CACNA2D1: variants seen among roughly 807,000 people sequenced by gnomAD.
CACNA2D1 encodes the protein voltage-dependent calcium channel subunit alpha-2/delta-1.
CACNA2D1 carries 53 observed loss-of-function variants against 171.5 expected under a neutral mutation model. The observed-to-expected ratio is 0.31, with a 90% CI of 0.25 to 0.39. The LOEUF is 0.39. CACNA2D1 is among the 10% of genes least tolerant of loss of function. CACNA2D1 has a pLI of 1.00. For missense variants in CACNA2D1, 903 were observed against 1,299.8 expected (o/e 0.69, Z 4.69); for synonymous variants, 442 against 443.1 (o/e 1.00, Z 0.03).
chr7:82,159,584 C>T (rs973759026), intron 4 of CACNA2D1, among the ~76,000 whole-genome samples: 1 of 151,564 alleles, frequency 6.6e-6, no homozygotes, highest in Admixed American at 6.6e-5. Context: ...AGATAAATTA[C>T]AGATCTGTTC....
chr7:81,975,740 T>A (rs1562806185), intron 24 of CACNA2D1, among the ~76,000 whole-genome samples: 1 of 152,140 alleles, frequency 6.6e-6, no homozygotes. Flanking sequence ...TAATGACACA[T>A]TATACAATAT....
chr7:82,355,391 T>C (rs1377907673), intron 1 of CACNA2D1, among the ~76,000 whole-genome samples: 1 of 152,158 alleles, frequency 6.6e-6, no homozygotes. Context: ...AGAACACACT[T>C]AACACTGCTT....
chr7:82,126,082 A>C (rs1790303788), intron 5 of CACNA2D1, among the ~76,000 whole-genome samples: 1 of 152,210 alleles, frequency 6.6e-6, no homozygotes, highest in Admixed American at 6.5e-5. Context: ...GTGTTAATCT[A>C]ATCTTTATAA....
At chr7:82,132,648 A>G (rs1287826367) in intron 5 of CACNA2D1, among the ~76,000 whole-genome samples, 1 of 152,210 alleles carries the variant, frequency 6.6e-6, no homozygotes, top group African/African-American at 2.4e-5. Context: ...AGGAAAGCAG[A>G]GAATGGGGAG....
At chr7:82,060,342 T>G in intron 10 of CACNA2D1, 86 bp downstream of exon 10, 1 of 867,978 alleles carries the variant, frequency 1.2e-6, no homozygotes, top group South Asian at 1.4e-5. Context: ...TCAGCCTCTA[T>G]AAGATAAAAG....
At chr7:82,022,557 CAG>C (rs1037038593) in intron 12 of CACNA2D1, among the ~76,000 whole-genome samples, 6 of 151,784 alleles carry the variant, frequency 4.0e-5, no homozygotes, top group African/African-American at 1.2e-4. Flanking sequence ...AGAAGCCAAG[CAG>C]AGACATTAGA....
chr7:82,357,460 C>T (rs894950360), intron 1 of CACNA2D1, among the ~76,000 whole-genome samples: 7 of 151,846 alleles, frequency 4.6e-5, no homozygotes, highest in Admixed American at 4.6e-4. Context: ...AACAATGCAG[C>T]CAAAATGATA....
chr7:82,120,101 G>C (rs769971916), intron 5 of CACNA2D1, among the ~76,000 whole-genome samples: 1 of 152,160 alleles, frequency 6.6e-6, no homozygotes, highest in Non-Finnish European at 1.5e-5. Flanking sequence ...TGAGGGCCTT[G>C]AGCCCAGGAG....
chr7:82,313,266 G>T (rs1451815315), intron 3 of CACNA2D1, among the ~76,000 whole-genome samples: 1 of 152,056 alleles, frequency 6.6e-6, no homozygotes, highest in Non-Finnish European at 1.5e-5. Flanking sequence ...GGAGACTAAA[G>T]GAAACCAAAA....
At chr7:81,982,847 C>T in intron 23 of CACNA2D1, 1 of 605,310 alleles carries the variant, frequency 1.7e-6, no homozygotes, top group South Asian at 1.9e-5. Context: ...TGGATCCCCA[C>T]AGTTATTTCA....
chr7:82,382,763 T>C (rs867693773), intron 1 of CACNA2D1, among the ~76,000 whole-genome samples: 1 of 152,218 alleles, frequency 6.6e-6, no homozygotes, highest in Admixed American at 6.5e-5. Flanking sequence ...AGATGAATTA[T>C]TGGTATTTAA....
At chr7:82,410,275 G>A (rs1364758871) in intron 1 of CACNA2D1, among the ~76,000 whole-genome samples, 1 of 152,182 alleles carries the variant, frequency 6.6e-6, no homozygotes, top group Non-Finnish European at 1.5e-5. Context: ...ATGTTTGTGT[G>A]ATTTGAGACT....
chr7:82,134,035 T>C (rs187575221), intron 5 of CACNA2D1, among the ~76,000 whole-genome samples: 170 of 151,310 alleles, frequency 1.1e-3, no homozygotes, highest in Admixed American at 3.8e-3. Flanking sequence ...ATCGCACCAC[T>C]GTACTCCAGC....
intron 2 of CACNA2D1, among the ~76,000 whole-genome samples, chr7:82,339,627 C>T (rs1209213381): frequency 3.3e-5 from 5 of 152,234 alleles, no homozygotes; most frequent in African/African-American, 7.2e-5. Context: ...ATAAAGATAA[C>T]GCACTGAGCC....
intron 18 of CACNA2D1, among the ~76,000 whole-genome samples, chr7:82,001,867 G>A (rs1170415328): frequency 6.6e-6 from 1 of 151,920 alleles, no homozygotes; most frequent in African/African-American, 2.4e-5. Context: ...GAGTTCATGA[G>A]TCAATAAAAT....
chr7:82,083,640 A>G (rs915415026), intron 7 of CACNA2D1, among the ~76,000 whole-genome samples: 1 of 152,008 alleles, frequency 6.6e-6, no homozygotes, highest in Admixed American at 6.6e-5. Flanking sequence ...CATTTTTTCA[A>G]TATTTAAATC....
intron 3 of CACNA2D1, among the ~76,000 whole-genome samples, chr7:82,303,240 G>C (rs1272166775): frequency 6.6e-6 from 1 of 151,752 alleles, no homozygotes; most frequent in Non-Finnish European, 1.5e-5. Context: ...CTTGTGATCT[G>C]CCCACCTTGG....
At chr7:82,178,317 G>A (rs1796765035) in intron 3 of CACNA2D1, among the ~76,000 whole-genome samples, 1 of 152,090 alleles carries the variant, frequency 6.6e-6, no homozygotes, top group African/African-American at 2.4e-5. Flanking sequence ...AAATACAGAA[G>A]GCAGGGTAAG....
intron 5 of CACNA2D1, among the ~76,000 whole-genome samples, chr7:82,120,444 G>C (rs1789580719): frequency 6.6e-6 from 1 of 152,128 alleles, no homozygotes; most frequent in African/African-American, 2.4e-5. Context: ...TATGTAATAT[G>C]CCTTAAGGCA....
Sources: allele counts gnomAD v4.1 joint callset (sites outside exome capture counted in the v4.1 genomes callset), GRCh38; gene constraint gnomAD v4.1.1; transcripts MANE v1.5; gene names NCBI Gene and HGNC (gene_info 2026-07-23, HGNC 2026-07-21).